WDR37: variants seen among roughly 807,000 people sequenced by gnomAD.
WDR37 encodes the protein WD repeat-containing protein 37.
A neutral mutation model predicts 62.9 loss-of-function variants in WDR37; 19 were observed. The ratio of observed to expected loss-of-function variants is 0.30; its 90% CI spans 0.21 to 0.44. The LOEUF (loss-of-function observed/expected upper bound fraction) is 0.44, where lower values mean the gene tolerates loss of function less well. Ranked by LOEUF, WDR37 falls within the 20% of genes least tolerant of loss-of-function variation. The pLI is 1.00. For synonymous variants in WDR37, 250 were observed against 260.9 expected, an observed-to-expected ratio of 0.96 and a Z score of 0.40; for missense variants, 474 against 657.6, an observed-to-expected ratio of 0.72 and a Z score of 3.05.
chr10:1,124,835 C>A, intron 12 of WDR37, 75 bp from the exon 13 acceptor site: 1 of 1,554,604 alleles, frequency 6.4e-7, no homozygotes, highest in Non-Finnish European at 8.7e-7. Flanking sequence ...GAACCTCCTG[C>A]TTCATTATCT....
intron 11 of WDR37, among the ~76,000 whole-genome samples, chr10:1,112,525 C>T (rs183014768): frequency 6.1e-4 from 93 of 152,234 alleles, no homozygotes; most frequent in Admixed American, 2.4e-3. Flanking sequence ...CTGGAAATGA[C>T]GAAGCTTAGT....
Position 1,130,289 on chromosome 10 carries a change from C to T in WDR37, c.*945C>T, listed in dbSNP as rs78142422. 1 of 152,836 alleles carries T rather than the reference C, an allele frequency of 6.5e-6. No homozygotes were observed. The highest frequency in any genetic ancestry group is 1.9e-4 in the East Asian group (1 of 5,186). 9.5% of individuals were successfully genotyped at this position (152,836 alleles called of 1,614,324 possible). On this transcript the variant is annotated 3_prime_UTR_variant, in exon 14 of 14. Coordinates refer to ENST00000263150, the MANE Select transcript of WDR37 (RefSeq NM_014023.4). ...CGGGTCTTTGGGAAACTTTGGGTCT[C>T]ACTGTTGCCTGGCTGGAGCACTTTG...
At chr10:1,060,100 A>G (rs1381258272) in intron 1 of WDR37, among the ~76,000 whole-genome samples, 1 of 152,236 alleles carries the variant, frequency 6.6e-6, no homozygotes, top group Non-Finnish European at 1.5e-5. Context: ...GGGCCTCCCA[A>G]AAGGCTGGGA....
chr10:1,105,809 G>A lies in WDR37; in HGVS notation c.1103+542G>A, dbSNP rs1221299065. Among the ~76,000 whole-genome samples, 8 of 151,874 alleles carry A rather than the reference G, an allele frequency of 5.3e-5. No homozygotes were observed. The highest frequency in any genetic ancestry group is 1.2e-4 in the Non-Finnish European group (8 of 67,982). ...GTGTAAGGTCTTTTTTTTCTGAGAC[G>A]GAGTCTCGCTCTGTCGCCCAGGCTG... On this transcript the variant is annotated intron_variant, in intron 11 of 13. Coordinates refer to ENST00000263150, the MANE Select transcript of WDR37 (RefSeq NM_014023.4). This position sits in a 1 kb window ranked among gnomAD's most constrained non-coding sequence, Gnocchi z 5.3.
intron 9 of WDR37, among the ~76,000 whole-genome samples, chr10:1,097,245 G>A (rs570128915): frequency 5.1e-4 from 78 of 152,364 alleles, no homozygotes; most frequent in Non-Finnish European, 9.1e-4. Flanking sequence ...AGCACATGCA[G>A]GGTTTGTCTG....
rs1441438250 is a variant in WDR37, at chr10:1,130,561, G to A, written c.*1217G>A. ...GCTCACCTGGTATCTGTACGTTAAT[G>A]TTTCTTGCTGAGTTACAGTTTTGAT... On this transcript the variant is annotated 3_prime_UTR_variant, in exon 14 of 14. Coordinates refer to ENST00000263150, the MANE Select transcript of WDR37 (RefSeq NM_014023.4). 6.6e-6 allele frequency: 1 copy of A among 152,308 alleles called. No homozygotes were observed. The highest frequency in any genetic ancestry group is 1.5e-5 in the Non-Finnish European group (1 of 68,074). 9.4% of individuals were successfully genotyped at this position (152,308 alleles called of 1,614,324 possible).
chr10:1,057,704 G>C (rs1833236439), intron 1 of WDR37, among the ~76,000 whole-genome samples: 1 of 152,220 alleles, frequency 6.6e-6, no homozygotes, highest in South Asian at 2.1e-4. Flanking sequence ...TTTCCAGGTT[G>C]TGAGTGAAAA....
At chr10:1,084,274 C>T in intron 5 of WDR37, 129 bp from the exon 6 acceptor site, 8 of 1,243,148 alleles carry the variant, frequency 6.4e-6, no homozygotes, top group Non-Finnish European at 8.9e-6. Flanking sequence ...CGCTGTGTTC[C>T]TTGATGCTTT....
chr10:1,071,866 TA>T (rs1001039663), intron 1 of WDR37, among the ~76,000 whole-genome samples: 1 of 152,134 alleles, frequency 6.6e-6, no homozygotes, highest in Non-Finnish European at 1.5e-5. Flanking sequence ...ATTTTTTTTT[TA>T]AATTTTAAAC....
intron 7 of WDR37, among the ~76,000 whole-genome samples, chr10:1,090,125 C>A (rs1477459504): frequency 2.6e-5 from 4 of 152,124 alleles, no homozygotes; most frequent in Non-Finnish European, 5.9e-5. Context: ...CGCCACCACG[C>A]CTGGCTAAAT....
intron 7 of WDR37, among the ~76,000 whole-genome samples, chr10:1,086,754 C>G (rs138949802): frequency 2.0e-5 from 3 of 152,194 alleles, no homozygotes; most frequent in Non-Finnish European, 4.4e-5. Flanking sequence ...CTTGCGTGCC[C>G]GTAGTTAATG....
At position 1,105,793 on chromosome 10, in the gene WDR37, CT is replaced by C. The variant is rs926769928; in HGVS notation, c.1103+534del. 6.6e-6 allele frequency among the ~76,000 whole-genome samples: 1 copy of C among 151,756 alleles called. No individual in the cohort carries two copies. Among genetic ancestry groups the C allele is most frequent in the Admixed American group, 6.6e-5 (1 of 15,190 alleles). On this transcript the variant is annotated intron_variant, in intron 11 of 13. Transcript: ENST00000263150. This position sits in a 1 kb window ranked among gnomAD's most constrained non-coding sequence, Gnocchi z 5.3. ...CTCTCCGGCAACTCAAGTGTAAGGT[CT>C]TTTTTTTCTGAGACGGAGTCTCGCT...
Position 1,086,271 on chromosome 10 carries a change from A to G in WDR37, c.533-15A>G. 1 of 1,612,968 alleles carries G rather than the reference A, an allele frequency of 6.2e-7. No individual in the cohort carries two copies. The highest frequency in any genetic ancestry group is 8.5e-7 in the Non-Finnish European group (1 of 1,179,182). Reference sequence around the variant, plus strand: ...ATGATAGCTAAGTTCCGACTTCTTCATTTCCATCTTGCAGATCACACGGCT... The same window carrying G: ...ATGATAGCTAAGTTCCGACTTCTTCGTTTCCATCTTGCAGATCACACGGCT... On this transcript the variant is annotated splice_polypyrimidine_tract_variant and intron_variant, in intron 6 of 13. Coordinates refer to ENST00000263150, the MANE Select transcript of WDR37 (RefSeq NM_014023.4).
chr10:1,070,945 AC>A (rs1305513552), intron 1 of WDR37, among the ~76,000 whole-genome samples: 1 of 152,212 alleles, frequency 6.6e-6, no homozygotes, highest in Admixed American at 6.5e-5. Flanking sequence ...GTGTGTCTGC[AC>A]CTGGTAATGT....
chr10:1,124,190 C>T (rs188019534), intron 11 of WDR37, 28 bp from the exon 12 acceptor site: 2 of 1,613,640 alleles, frequency 1.2e-6, no homozygotes, highest in African/African-American at 2.7e-5. Flanking sequence ...CCTGCTGTTG[C>T]ATCTGACTCT....
At chr10:1,071,382 A>C (rs1589080593) in intron 1 of WDR37, among the ~76,000 whole-genome samples, 1 of 152,326 alleles carries the variant, frequency 6.6e-6, no homozygotes, top group South Asian at 2.1e-4. Flanking sequence ...GTAGTTGAAG[A>C]AAGAAGATAT....
intron 7 of WDR37, among the ~76,000 whole-genome samples, chr10:1,092,306 ACATGG>A: frequency 6.6e-6 from 1 of 152,218 alleles, no homozygotes; most frequent in East Asian, 1.9e-4. Context: ...AGCCTGGACG[ACATGG>A]CAAGACCCGG....
In WDR37 at chr10:1,103,146, A is replaced by G. The variant is rs2131661391; in HGVS notation, c.727-456A>G. ...TTACAAAGGAAAATAGACTCTTATG[A>G]CTATAGCAATAGAATTCCAAGTATA... On this transcript the variant is annotated intron_variant, in intron 9 of 13. Transcript: ENST00000263150. This position sits in a 1 kb window ranked among gnomAD's most constrained non-coding sequence, Gnocchi z 6.3. 6.6e-6 allele frequency among the ~76,000 whole-genome samples: 1 copy of G among 152,334 alleles called. No homozygotes were observed. The highest frequency in any genetic ancestry group is 2.1e-4 in the South Asian group (1 of 4,830).
chr10:1,106,184 G>A (rs980069118), intron 11 of WDR37, among the ~76,000 whole-genome samples: 5 of 152,074 alleles, frequency 3.3e-5, no homozygotes, highest in African/African-American at 1.2e-4. Context: ...GCCCAGTCAC[G>A]GGGGCTGTCT....
Sources: allele counts gnomAD v4.1 joint callset (sites outside exome capture counted in the v4.1 genomes callset), GRCh38; gene constraint gnomAD v4.1.1; non-coding constraint Gnocchi (gnomAD v3.1); transcripts MANE v1.5; gene names NCBI Gene and HGNC (gene_info 2026-07-23, HGNC 2026-07-21).